Variants in E4F1 observed in about 807,000 individuals in gnomAD.
E4F1 encodes transcription factor E4F1.
In E4F1, 30 loss-of-function variants were observed where a neutral mutation model predicts 72.9. The observed-to-expected ratio is 0.41, with a 90% CI of 0.31 to 0.56. The LOEUF (loss-of-function observed/expected upper bound fraction) is 0.56, where lower values mean the gene tolerates loss of function less well. Among genes scored for constraint, E4F1 ranks in the 20% least tolerant of loss-of-function variants. The probability of loss-of-function intolerance (pLI) is 0.25; values close to 1 mark genes in which losing one functional copy is unlikely to be tolerated. For synonymous variants in E4F1, 542 were observed against 478.2 expected (o/e 1.13, Z -1.74); for missense variants, 1,091 against 1,117.5 (o/e 0.98, Z 0.34).
At chr16:2,226,615 C>T (rs547398500) in intron 1 of E4F1, among the ~76,000 whole-genome samples, 1 of 152,320 alleles carries the variant, frequency 6.6e-6, no homozygotes, top group African/African-American at 2.4e-5. Context: ...AGCTGGCAGG[C>T]TTTTATGGAA....
At position 2,233,430 on chromosome 16, in the gene E4F1, C is replaced by G; in HGVS notation, c.1057-8C>G. ...CTGGCCAGCCTCCTCTCTCTGCCTCCCCTGCAGCCCCCCGTCTCCCAGGAG... is the reference window on the plus strand; with the variant it reads ...CTGGCCAGCCTCCTCTCTCTGCCTCGCCTGCAGCCCCCCGTCTCCCAGGAG... On this transcript the variant is annotated splice_region_variant and splice_polypyrimidine_tract_variant and intron_variant, in intron 7 of 13. Coordinates refer to ENST00000301727, the MANE Select transcript of E4F1 (RefSeq NM_004424.5). 6.6e-7 allele frequency: 1 copy of G among 1,508,686 alleles called. No homozygotes were observed. The highest frequency in any genetic ancestry group is 8.8e-7 in the Non-Finnish European group (1 of 1,135,586). 93.5% of individuals were successfully genotyped at this position (1,508,686 alleles called of 1,614,324 possible).
At position 2,232,993 on chromosome 16, in the gene E4F1, CCTCA is replaced by C. The variant is rs2093477926; in HGVS notation, c.884-14_884-11del. The C allele has an allele frequency of 6.2e-7, 1 of 1,608,742 alleles. No individual in the cohort carries two copies. ...TGGGGTGTGTGAGGGATCTTCACTC[CCTCA>C]CTCCACCTTGAAGGTTCTGGAGCTG... On this transcript the variant is annotated splice_polypyrimidine_tract_variant and intron_variant, in intron 6 of 13. Coordinates refer to ENST00000301727, the MANE Select transcript of E4F1 (RefSeq NM_004424.5).
At chr16:2,231,961 A>G in intron 3 of E4F1, 1 of 609,240 alleles carries the variant, frequency 1.6e-6, no homozygotes, top group Non-Finnish European at 2.8e-6. Flanking sequence ...GCAGCCTGAC[A>G]GAGTCGGGAG....
rs774636656 is a variant in E4F1 at position 2,232,365 on chromosome 16, G to C, written c.609+1G>C. 1 of 1,600,740 alleles carries C rather than the reference G, an allele frequency of 6.2e-7. No individual in the cohort carries two copies. The highest frequency in any genetic ancestry group is 8.5e-7 in the Non-Finnish European group (1 of 1,171,806). Reference sequence around the variant, plus strand: ...GCTGTGCCACAAGACCTTCAAGACGGTGAGCCGGCGTGCGGGGAGCCAGTG... The same window carrying C: ...GCTGTGCCACAAGACCTTCAAGACGCTGAGCCGGCGTGCGGGGAGCCAGTG... On this transcript the variant is annotated splice_donor_variant, in intron 4 of 13. Coordinates refer to ENST00000301727, the MANE Select transcript of E4F1 (RefSeq NM_004424.5). LOFTEE classifies it high-confidence loss of function.
chr16:2,235,651 G>C lies in E4F1; in HGVS notation c.*79G>C. ...GCCCCACCCATGCCTGCCTGGCCTG[G>C]TAGAGAAGATGGCACAGGATGGAGG... is the stretch of plus-strand genomic sequence containing the variant. On this transcript the variant is annotated 3_prime_UTR_variant, in exon 14 of 14. Coordinates refer to ENST00000301727, the MANE Select transcript of E4F1 (RefSeq NM_004424.5). 7.6e-7 allele frequency: 1 copy of C among 1,309,686 alleles called. No homozygotes were observed. The highest frequency in any genetic ancestry group is 1.0e-6 in the Non-Finnish European group (1 of 969,446). The allele number at this position is 1,309,686 out of a possible 1,614,324, so 81.1% of individuals were successfully genotyped here. A position where few individuals can be genotyped will look rare whatever the true frequency, so the allele number is the denominator to read the frequency against.
intron 2 of E4F1, among the ~76,000 whole-genome samples, chr16:2,228,990 C>T (rs2093449383): frequency 6.6e-6 from 1 of 152,234 alleles, no homozygotes; most frequent in African/African-American, 2.4e-5. Context: ...GTGAACCCCG[C>T]ACACGCCGCA....
rs185238292 is a variant in E4F1, at chr16:2,235,494, C to T, written c.2277C>T (p.Ile759=). The change falls in exon 14 of 14, where the codon ATC becomes ATT. Residue 759 remains isoleucine, a synonymous_variant. Coordinates refer to ENST00000301727, the MANE Select transcript of E4F1 (RefSeq NM_004424.5). Reference sequence around the variant, plus strand: ...TGACCATGGTGTCATCAGAGGACATCGAGATCCTGGAGCATGCAGGCGAGC... The same window carrying T: ...TGACCATGGTGTCATCAGAGGACATTGAGATCCTGGAGCATGCAGGCGAGC... ...ATVTMVSSED[I]EILEHAGELV... is the part of the protein sequence containing the mutation. The T allele has an allele frequency of 5.3e-5, 86 of 1,610,978 alleles. No individual in the cohort carries two copies. The East Asian group carries it at 1.6e-3, about 29-fold the overall frequency.
intron 1 of E4F1, among the ~76,000 whole-genome samples, chr16:2,225,150 T>A (rs1009517518): frequency 2.7e-5 from 4 of 150,902 alleles, no homozygotes; most frequent in Admixed American, 6.6e-5. Context: ...GAGACGGAGG[T>A]CGCAGTAAGC....
At chr16:2,232,141 C>G (rs1239791412) in intron 3 of E4F1, 30 bp from the exon 4 acceptor site, 1 of 1,605,098 alleles carries the variant, frequency 6.2e-7, no homozygotes, top group Admixed American at 1.7e-5. Flanking sequence ...GGGGCAGGTC[C>G]TGGGGCTTAG....
chr16:2,229,193 G>GC, intron 2 of E4F1, among the ~76,000 whole-genome samples: 1 of 152,284 alleles, frequency 6.6e-6, no homozygotes, highest in South Asian at 2.1e-4. Flanking sequence ...CACCTCCAGG[G>GC]CCCTCTCCTC....
At chr16:2,229,748 C>T in intron 3 of E4F1, 73 bp downstream of exon 3, 1 of 1,506,888 alleles carries the variant, frequency 6.6e-7, no homozygotes, top group Admixed American at 1.7e-5. Flanking sequence ...GCCCCTGCTG[C>T]CTGTATGCTC....
rs1417211645 is a variant in E4F1, at chr16:2,234,247, G to T, written c.1452G>T (p.Val484=). The change falls in exon 10 of 14, where the codon GTG becomes GTT. Residue 484 remains valine (V), a synonymous_variant. Transcript: ENST00000301727. ...KAYLLKKHQE[V]HVRERRFRCG... ...ACCTGCTCAAGAAGCACCAGGAGGT[G>T]CACGTGCGTGAGCGCCGCTTCCGCT... The T allele has an allele frequency of 2.5e-6, 4 of 1,612,758 alleles. No individual in the cohort carries two copies. Among genetic ancestry groups the T allele is most frequent in the African/African-American group, 1.3e-5 (1 of 74,954 alleles).
intron 1 of E4F1, among the ~76,000 whole-genome samples, chr16:2,226,513 C>A (rs1033355193): frequency 2.0e-5 from 3 of 152,198 alleles, no homozygotes; most frequent in Non-Finnish European, 4.4e-5. Flanking sequence ...GCCCTTTCTC[C>A]GCCCTCAAAT....
Position 2,235,298 on chromosome 16 carries a change from C to T in E4F1, c.2081C>T (p.Thr694Ile). Reference protein sequence around the residue: ...AGHQIIVQNVTMDEETALGPE... With the variant: ...AGHQIIVQNVIMDEETALGPE... Reference sequence around the variant, plus strand: ...CACCAGATCATCGTGCAGAACGTCACCATGGACGAGGAGACGGCGCTGGGC... The same window carrying T: ...CACCAGATCATCGTGCAGAACGTCATCATGGACGAGGAGACGGCGCTGGGC... Residue 694 changes from threonine (T) to isoleucine (I), a missense_variant, in exon 14 of 14, where the codon ACC becomes ATC. Thr to Ile is a moderately conservative substitution (Grantham distance 89). Around this residue, in one of 5 missense-constraint regions of E4F1, gnomAD observed 622 missense variants for 628.0 expected, o/e 0.99. Transcript: ENST00000301727. The T allele has an allele frequency of 6.2e-7, 1 of 1,611,336 alleles. No individual in the cohort carries two copies. The highest frequency in any genetic ancestry group is 8.5e-7 in the Non-Finnish European group (1 of 1,179,938).
chr16:2,235,335 T>C lies in E4F1; in HGVS notation c.2118T>C (p.Ala706=). The C allele has an allele frequency of 6.2e-7, 1 of 1,609,718 alleles. No individual in the cohort carries two copies. The highest frequency in any genetic ancestry group is 8.5e-7 in the Non-Finnish European group (1 of 1,179,732). Residue 706 remains alanine, a synonymous_variant, in exon 14 of 14, where the codon GCT becomes GCC. Transcript: ENST00000301727. ...AGACGGCGCTGGGCCCAGAGGCGGC[T>C]GCCGCCGACACCATCACCATCGCCA... The part of the protein sequence containing the change: ...DEETALGPEA[A]AADTITIATP...
At position 2,233,986 on chromosome 16, in the gene E4F1, C is replaced by T. The variant is rs770203028; in HGVS notation, c.1371C>T (p.His457=). 3 of 1,589,420 alleles carry T rather than the reference C, an allele frequency of 1.9e-6. No individual in the cohort carries two copies. In the South Asian group the frequency reaches 3.4e-5, roughly 18 times the overall value. The change falls in exon 9 of 14, where the codon CAC becomes CAT. Residue 457 remains histidine, a synonymous_variant. Coordinates refer to ENST00000301727, the MANE Select transcript of E4F1 (RefSeq NM_004424.5). ...AATLEAHKRG[H]TGPRPFACAQ... is the part of the protein sequence containing the mutation. Reference sequence around the variant, plus strand: ...CCCTGGAGGCCCACAAGAGGGGCCACACCGGTAGGTGATGGGTGGGTGTGT... The same window carrying T: ...CCCTGGAGGCCCACAAGAGGGGCCATACCGGTAGGTGATGGGTGGGTGTGT...
intron 2 of E4F1, among the ~76,000 whole-genome samples, chr16:2,229,007 G>A (rs931655982): frequency 7.9e-5 from 12 of 152,342 alleles, no homozygotes; most frequent in South Asian, 4.1e-4. Flanking sequence ...CGCAGCGGGC[G>A]CTTGTCATCC....
At position 2,235,435 on chromosome 16, in the gene E4F1, C is replaced by T. The variant is rs768841755; in HGVS notation, c.2218C>T (p.Arg740Trp). The stretch of plus-strand genomic sequence containing the variant: ...CAGCGAGGGCACTGTGCTTGCCGCC[C>T]GGGCAGGGACAAGTGGCACTGAACA... ...AISEGTVLAARAGTSGTEQAT... is the reference protein window; with the variant it reads ...AISEGTVLAAWAGTSGTEQAT... Residue 740 changes from arginine to tryptophan, a missense_variant, in exon 14 of 14, where the codon CGG (arginine) becomes TGG (tryptophan). Arg to Trp is a moderately radical substitution (Grantham distance 101, BLOSUM62 -3). Transcript: ENST00000301727. 3.7e-6 allele frequency: 6 copies of T among 1,612,564 alleles called. 1 individual carries two copies. Among genetic ancestry groups the T allele is most frequent in the Admixed American group, 3.3e-5 (2 of 60,014 alleles).
At chr16:2,224,539 C>T (rs546127483) in intron 1 of E4F1, among the ~76,000 whole-genome samples, 128 of 152,300 alleles carry the variant, frequency 8.4e-4, no homozygotes, top group South Asian at 1.5e-3. Flanking sequence ...CCTGTAATCC[C>T]AGCACTTTGG....
Sources: allele counts gnomAD v4.1 joint callset (sites outside exome capture counted in the v4.1 genomes callset), GRCh38; gene constraint gnomAD v4.1.1; regional missense constraint gnomAD v4.1.1; transcripts MANE v1.5; gene names NCBI Gene and HGNC (gene_info 2026-07-23, HGNC 2026-07-21).